ATXN7L1: variants seen among roughly 807,000 people sequenced by gnomAD.
The protein encoded by ATXN7L1 is ataxin-7-like protein 1.
Under a neutral mutation model 70.8 loss-of-function variants are expected in ATXN7L1, and 15 were observed. The observed-to-expected ratio is 0.21, with a 90% CI of 0.14 to 0.33. ATXN7L1 has a LOEUF of 0.33. ATXN7L1 is among the 10% of genes least tolerant of loss of function. The probability of loss-of-function intolerance (pLI) is 1.00; values close to 1 mark genes in which losing one functional copy is unlikely to be tolerated. For synonymous variants in ATXN7L1, 440 were observed against 445.1 expected (o/e 0.99, Z 0.14); for missense variants, 975 against 1,097.1 (o/e 0.89, Z 1.57).
At chr7:105,679,918 C>T (rs1224407840) in intron 3 of ATXN7L1, among the ~76,000 whole-genome samples, 1 of 151,610 alleles carries the variant, frequency 6.6e-6, no homozygotes, top group African/African-American at 2.4e-5. Flanking sequence ...GCAAATTTCA[C>T]CTCAATTAAA....
In ATXN7L1 at chr7:105,613,918, G is replaced by T. The variant is rs1490376676; in HGVS notation, c.2416C>A (p.Pro806Thr). 2 of 1,552,094 alleles carry T rather than the reference G, an allele frequency of 1.3e-6. No individual in the cohort carries two copies. Among genetic ancestry groups the T allele is most frequent in the Non-Finnish European group, 1.7e-6 (2 of 1,147,016 alleles). ...PGMNSVHKKN[P>T]PSLLAPVPDP... ...GGCACCGGTGCGAGAAGGCTGGGCG[G>T]GTTCTTTTTGTGAACGCTATTCATA... Residue 806 changes from proline (P) to threonine (T), a missense_variant, in exon 10 of 12, where the codon CCG becomes ACG. Physicochemically the swap from Pro to Thr is conservative, Grantham distance 38. This residue lies in a region of ATXN7L1 where 635 missense variants were observed against 699.4 expected (regional missense o/e 0.91). Transcript: ENST00000419735.
At chr7:105,818,917 G>A (rs1809619573) in intron 2 of ATXN7L1, among the ~76,000 whole-genome samples, 1 of 151,400 alleles carries the variant, frequency 6.6e-6, no homozygotes, top group Non-Finnish European at 1.5e-5. Flanking sequence ...TTAAGTTCTA[G>A]GGTACATGTG....
chr7:105,797,903 T>C lies in ATXN7L1; in HGVS notation c.251-9195A>G, dbSNP rs546409914. Among the ~76,000 whole-genome samples the C allele has an allele frequency of 5.3e-4, 80 of 152,348 alleles. 1 individual carries two copies. Among genetic ancestry groups the C allele is most frequent in the African/African-American group, 1.8e-3 (73 of 41,586 alleles). ...TGACTTATCGCCCTTCCTATCTCCA[T>C]AGTCAAACAGTCTGGCATGTGGTAG... On this transcript the variant is annotated intron_variant, in intron 2 of 11. Coordinates refer to ENST00000419735, the MANE Select transcript of ATXN7L1 (RefSeq NM_020725.2).
Position 105,816,359 on chromosome 7 carries a change from A to T in ATXN7L1, c.251-27651T>A, listed in dbSNP as rs374646710. ...CTGAGAGAAAACAATTTAATGAGGAATGCACTGCCTTGAAACTGAAATTTT... is the reference window on the plus strand; with the variant it reads ...CTGAGAGAAAACAATTTAATGAGGATTGCACTGCCTTGAAACTGAAATTTT... On this transcript the variant is annotated intron_variant, in intron 2 of 11. Coordinates refer to ENST00000419735, the MANE Select transcript of ATXN7L1 (RefSeq NM_020725.2). Among the ~76,000 whole-genome samples the T allele has an allele frequency of 2.2e-4, 34 of 152,328 alleles. No individual in the cohort carries two copies. The South Asian group carries it at 6.8e-3, about 31-fold the overall frequency.
At position 105,673,863 on chromosome 7, in the gene ATXN7L1, C is replaced by T. The variant is rs142101828; in HGVS notation, c.356-8575G>A. 7.2e-5 allele frequency among the ~76,000 whole-genome samples: 11 copies of T among 152,328 alleles called. No individual in the cohort carries two copies. The East Asian group carries it at 1.7e-3, about 24-fold the overall frequency. ...GGCCTGTTGTCTCATTTGTCACCAT[C>T]GTAGTTAGATACTAAACTTACTGCC... On this transcript the variant is annotated intron_variant, in intron 3 of 11. Coordinates refer to ENST00000419735, the MANE Select transcript of ATXN7L1 (RefSeq NM_020725.2).
chr7:105,741,905 C>G (rs1037607270), intron 3 of ATXN7L1, among the ~76,000 whole-genome samples: 3 of 152,172 alleles, frequency 2.0e-5, no homozygotes, highest in Non-Finnish European at 4.4e-5. Context: ...CAGCAAACCA[C>G]CAGAAGCCAG....
intron 3 of ATXN7L1, among the ~76,000 whole-genome samples, chr7:105,678,717 T>G (rs1805095890): frequency 6.6e-6 from 1 of 152,126 alleles, no homozygotes; most frequent in Non-Finnish European, 1.5e-5. Context: ...GGCTTCCCGG[T>G]GCTCTGAAAG....
Position 105,607,761 on chromosome 7 carries a change from C to T in ATXN7L1, c.*91G>A. 1 of 1,216,270 alleles carries T rather than the reference C, an allele frequency of 8.2e-7. No homozygotes were observed. The allele number at this position is 1,216,270 out of a possible 1,614,324, so 75.3% of individuals were successfully genotyped here. On this transcript the variant is annotated 3_prime_UTR_variant, in exon 12 of 12. Coordinates refer to ENST00000419735, the MANE Select transcript of ATXN7L1 (RefSeq NM_020725.2). ...AGTGCACAGAAAACAGACTCTCCCC[C>T]CAGCCCACTCCCCTCCCTCCTCCTC...
chr7:105,751,486 A>T lies in ATXN7L1; in HGVS notation c.355+37118T>A, dbSNP rs77295110. 1.8e-4 allele frequency among the ~76,000 whole-genome samples: 28 copies of T among 152,216 alleles called. No individual in the cohort carries two copies. In the East Asian group the frequency reaches 4.3e-3, roughly 23 times the overall value. On this transcript the variant is annotated intron_variant, in intron 3 of 11. Transcript: ENST00000419735. Reference sequence around the variant, plus strand: ...CGTCTCTACTAAAAATACAAAAAAAATTAGCTGGGCATGGTGGTGCATGCC... The same window carrying T: ...CGTCTCTACTAAAAATACAAAAAAATTTAGCTGGGCATGGTGGTGCATGCC...
At chr7:105,782,152 C>A (rs1174157173) in intron 3 of ATXN7L1, among the ~76,000 whole-genome samples, 1 of 152,160 alleles carries the variant, frequency 6.6e-6, no homozygotes, top group Admixed American at 6.5e-5. Flanking sequence ...GAATTTTAAT[C>A]TATCAAATGG....
chr7:105,629,542 G>A (rs1796265562), intron 7 of ATXN7L1, among the ~76,000 whole-genome samples: 1 of 149,964 alleles, frequency 6.7e-6, no homozygotes, highest in African/African-American at 2.4e-5. Context: ...TGGAGATGGA[G>A]TCTCCCTCTG....
chr7:105,639,499 G>C lies in ATXN7L1; in HGVS notation c.933C>G (p.Ser311=). ...DPETKKPCTR[S]LTCKTHSLSH... ...GAAAGAGAAATACCTTGCAGGTGAG[G>C]GATCTTGTGCAAGGTTTCTTTGTCT... The change falls in exon 6 of 12, where the codon TCC becomes TCG. Residue 311 remains serine, a synonymous_variant. Coordinates refer to ENST00000419735, the MANE Select transcript of ATXN7L1 (RefSeq NM_020725.2). The C allele has an allele frequency of 1.9e-6, 3 of 1,550,240 alleles. No homozygotes were observed. The highest frequency in any genetic ancestry group is 2.6e-6 in the Non-Finnish European group (3 of 1,145,818).
chr7:105,762,918 G>C (rs1800737314), intron 3 of ATXN7L1, among the ~76,000 whole-genome samples: 1 of 152,186 alleles, frequency 6.6e-6, no homozygotes, highest in Non-Finnish European at 1.5e-5. Flanking sequence ...GGAGGCCTAA[G>C]GTACTGAGCA....
rs528668786 is a variant in ATXN7L1, at chr7:105,692,650, T to C, written c.356-27362A>G. 3.3e-5 allele frequency among the ~76,000 whole-genome samples: 5 copies of C among 152,254 alleles called. No individual in the cohort carries two copies. The East Asian group carries it at 9.7e-4, about 29-fold the overall frequency. ...TTGGTAGAGATGGAGTTTTGCCATG[T>C]TGGCCAGGCTGGTCTCGAACTCCTG... is the stretch of plus-strand genomic sequence containing the variant. On this transcript the variant is annotated intron_variant, in intron 3 of 11. Coordinates refer to ENST00000419735, the MANE Select transcript of ATXN7L1 (RefSeq NM_020725.2).
Position 105,665,067 on chromosome 7 carries a change from A to G in ATXN7L1, c.577T>C (p.Cys193Arg), listed in dbSNP as rs544005464. 3 of 1,550,164 alleles carry G rather than the reference A, an allele frequency of 1.9e-6. No individual in the cohort carries two copies. The highest frequency in any genetic ancestry group is 2.7e-5 in the African/African-American group (2 of 73,068). Residue 193 changes from cysteine (C) to arginine (R), a missense_variant and splice_region_variant, in exon 4 of 12, where the codon TGT (cysteine) becomes CGT (arginine). This residue lies in a region of ATXN7L1 where 192 missense variants were observed against 215.5 expected (regional missense o/e 0.89). Coordinates refer to ENST00000419735, the MANE Select transcript of ATXN7L1 (RefSeq NM_020725.2). ...CTGGCTGCCAGCCAGCTGACTCACCATGGTTTATCCCTTGATCCTTTCGCA... is the reference window on the plus strand; with the variant it reads ...CTGGCTGCCAGCCAGCTGACTCACCGTGGTTTATCCCTTGATCCTTTCGCA... ...FPAKGSRDKP[C>R]VPVPVVSLEK...
At chr7:105,768,545 G>T (rs1801576754) in intron 3 of ATXN7L1, among the ~76,000 whole-genome samples, 1 of 152,236 alleles carries the variant, frequency 6.6e-6, no homozygotes, top group South Asian at 2.1e-4. Context: ...TTAGCTTTCA[G>T]CCAAAACCCA....
At chr7:105,725,903 CT>C (rs34850752) in intron 3 of ATXN7L1, among the ~76,000 whole-genome samples, 42,966 of 130,396 alleles carry the variant, frequency 0.33, 6,765 homozygotes, top group African/African-American at 0.47. Context: ...TTCTTTCTTT[CT>C]TTTTTTTTTT....
intron 2 of ATXN7L1, among the ~76,000 whole-genome samples, chr7:105,835,898 T>G (rs1381785941): frequency 6.6e-6 from 1 of 151,996 alleles, no homozygotes; most frequent in African/African-American, 2.4e-5. Flanking sequence ...TCTCTCTCTC[T>G]CTTTTTTTCA....
At chr7:105,786,975 A>G (rs1019482780) in intron 3 of ATXN7L1, among the ~76,000 whole-genome samples, 2 of 152,308 alleles carry the variant, frequency 1.3e-5, no homozygotes, top group Non-Finnish European at 1.5e-5. Flanking sequence ...CGGAGCTTCT[A>G]TGCCTGGTCA....
Sources: allele counts gnomAD v4.1 joint callset (sites outside exome capture counted in the v4.1 genomes callset), GRCh38; gene constraint gnomAD v4.1.1; regional missense constraint gnomAD v4.1.1; transcripts MANE v1.5; gene names NCBI Gene and HGNC (gene_info 2026-07-23, HGNC 2026-07-21).